MFHAS1: variants seen among roughly 807,000 people sequenced by gnomAD.
MFHAS1 encodes malignant fibrous histiocytoma-amplified sequence 1.
MFHAS1 carries 50 observed loss-of-function variants against 70.4 expected under a neutral mutation model. The ratio of observed to expected loss-of-function variants is 0.71; its 90% CI spans 0.57 to 0.90. MFHAS1 has a LOEUF of 0.90. Among genes scored for constraint, MFHAS1 ranks in the 40% least tolerant of loss-of-function variants. The probability of loss-of-function intolerance (pLI) is 0.00; values close to 1 mark genes in which losing one functional copy is unlikely to be tolerated. For missense variants in MFHAS1, 1,795 were observed against 1,347.6 expected (o/e 1.33, Z -5.20); for synonymous variants, 952 against 620.0 (o/e 1.54, Z -7.96).
chr8:8,828,039 C>A (rs1344517355), intron 1 of MFHAS1, among the ~76,000 whole-genome samples: 1 of 152,086 alleles, frequency 6.6e-6, no homozygotes, highest in Non-Finnish European at 1.5e-5. Context: ...ATTTACTTCC[C>A]CCGGTGATTA....
intron 1 of MFHAS1, among the ~76,000 whole-genome samples, chr8:8,864,641 C>T (rs1808790614): frequency 6.6e-6 from 1 of 152,208 alleles, no homozygotes; most frequent in Non-Finnish European, 1.5e-5. Flanking sequence ...CTACTCTCTT[C>T]CTATCATTTG....
chr8:8,819,613 A>C (rs1407974954), intron 1 of MFHAS1, among the ~76,000 whole-genome samples: 2 of 150,328 alleles, frequency 1.3e-5, no homozygotes, highest in Admixed American at 1.3e-4. Flanking sequence ...CAAAACAAAA[A>C]AAAAAAAAAA....
intron 1 of MFHAS1, among the ~76,000 whole-genome samples, chr8:8,854,964 C>T (rs140008774): frequency 7.2e-5 from 11 of 152,194 alleles, no homozygotes; most frequent in Non-Finnish European, 1.3e-4. Context: ...CGCTGGAGTG[C>T]AGTGATACTA....
At position 8,891,370 on chromosome 8, in the gene MFHAS1, C is replaced by G. The variant is rs781225934; in HGVS notation, c.1689G>C (p.Lys563Asn). 2.5e-6 allele frequency: 4 copies of G among 1,611,574 alleles called. No individual in the cohort carries two copies. Among genetic ancestry groups the G allele is most frequent in the Non-Finnish European group, 3.4e-6 (4 of 1,180,030 alleles). The change falls in exon 1 of 3, where the codon AAG becomes AAC. Residue 563 changes from lysine to asparagine, a missense_variant. By Grantham distance (94) the Lys-to-Asn change is moderately conservative. Coordinates refer to ENST00000276282, the MANE Select transcript of MFHAS1 (RefSeq NM_004225.3). The surrounding 1 kb of genome is among the most constrained non-coding windows in gnomAD (Gnocchi z 5.4). ...AGCGGCTCAGTCCCTCCGCGTCGTG[C>G]TTCTCCTGCAGGGCGATCTGGCGGT... ...DIHRQIALQEKHDAEGLSRLA... is the reference protein window; with the variant it reads ...DIHRQIALQENHDAEGLSRLA...
chr8:8,857,559 C>G (rs1280211592), intron 1 of MFHAS1, among the ~76,000 whole-genome samples: 2 of 152,046 alleles, frequency 1.3e-5, no homozygotes, highest in East Asian at 3.9e-4. Context: ...GAGCTCGAGA[C>G]CAGCCTGGCC....
chr8:8,855,095 GCCCCCAC>G (rs2116879080), intron 1 of MFHAS1, among the ~76,000 whole-genome samples: 1 of 152,086 alleles, frequency 6.6e-6, no homozygotes, highest in East Asian at 1.9e-4. Flanking sequence ...TGGTTCTAGG[GCCCCCAC>G]CCCCAGCATA....
Position 8,808,790 on chromosome 8 carries a change from T to A in MFHAS1, c.2999-11299A>T, listed in dbSNP as rs535473257. Among the ~76,000 whole-genome samples the A allele has an allele frequency of 6.6e-5, 10 of 152,248 alleles. No individual in the cohort carries two copies. In the South Asian group the frequency reaches 1.9e-3, roughly 29 times the overall value. ...TTGATGGCAATTGGGTTTGGTGCCA[T>A]TGGTGGTTTCAGGATCCAGTAGGGT... On this transcript the variant is annotated intron_variant, in intron 1 of 2. Transcript: ENST00000276282.
intron 1 of MFHAS1, among the ~76,000 whole-genome samples, chr8:8,862,836 G>T (rs1430748588): frequency 6.6e-6 from 1 of 152,128 alleles, no homozygotes; most frequent in African/African-American, 2.4e-5. Flanking sequence ...GGAACAGATG[G>T]GCAATCTCAT....
At chr8:8,805,966 C>T (rs994336613) in intron 1 of MFHAS1, among the ~76,000 whole-genome samples, 10 of 152,192 alleles carry the variant, frequency 6.6e-5, no homozygotes, top group African/African-American at 2.4e-4. Context: ...TCCCAAAGTG[C>T]TGGGATTACA....
At chr8:8,833,133 A>T (rs1187965411) in intron 1 of MFHAS1, among the ~76,000 whole-genome samples, 2 of 152,114 alleles carry the variant, frequency 1.3e-5, no homozygotes, top group African/African-American at 2.4e-5. Flanking sequence ...TCCCATGAGA[A>T]TTCACCATCG....
intron 1 of MFHAS1, among the ~76,000 whole-genome samples, chr8:8,807,986 T>G (rs938738810): frequency 6.6e-6 from 1 of 152,224 alleles, no homozygotes; most frequent in East Asian, 1.9e-4. Context: ...AAATATTAAA[T>G]GAAAAACTCC....
intron 1 of MFHAS1, among the ~76,000 whole-genome samples, chr8:8,883,327 C>T (rs1809603143): frequency 6.6e-6 from 1 of 152,154 alleles, no homozygotes; most frequent in African/African-American, 2.4e-5. Flanking sequence ...CCTGCACCCA[C>T]CCGCTGGTTT....
chr8:8,823,261 T>C (rs190108571), intron 1 of MFHAS1, among the ~76,000 whole-genome samples: 67 of 152,344 alleles, frequency 4.4e-4, no homozygotes, highest in African/African-American at 1.4e-3. Context: ...TAACAAATTA[T>C]TATAAAAACA....
chr8:8,832,886 G>C (rs1807458811), intron 1 of MFHAS1, among the ~76,000 whole-genome samples: 2 of 152,082 alleles, frequency 1.3e-5, no homozygotes, highest in South Asian at 2.1e-4. Context: ...TTGTGTAGTA[G>C]CCCATTCTTA....
chr8:8,889,735 A>G (rs4841067), intron 1 of MFHAS1, among the ~76,000 whole-genome samples: 28,301 of 152,164 alleles, frequency 0.19, 3,319 homozygotes, highest in African/African-American at 0.33. Flanking sequence ...CACTGTCCAG[A>G]ATCTATCTGT....
intron 1 of MFHAS1, among the ~76,000 whole-genome samples, chr8:8,800,597 C>T (rs1224290998): frequency 1.3e-5 from 2 of 152,134 alleles, no homozygotes; most frequent in East Asian, 1.9e-4. Context: ...GCTGTGGGCA[C>T]CCCAGTCTCT....
intron 1 of MFHAS1, among the ~76,000 whole-genome samples, chr8:8,814,444 T>A (rs914410327): frequency 7.2e-5 from 11 of 152,200 alleles, no homozygotes; most frequent in African/African-American, 2.7e-4. Context: ...CACTCTGTCA[T>A]GTTCGCACGA....
At chr8:8,857,781 C>A (rs1375922048) in intron 1 of MFHAS1, among the ~76,000 whole-genome samples, 1 of 151,796 alleles carries the variant, frequency 6.6e-6, no homozygotes, top group East Asian at 1.9e-4. Context: ...AAAAAAAAAT[C>A]TTTTGTTTGT....
intron 1 of MFHAS1, among the ~76,000 whole-genome samples, chr8:8,806,407 A>G (rs1430616728): frequency 6.6e-6 from 1 of 152,218 alleles, no homozygotes; most frequent in Non-Finnish European, 1.5e-5. Flanking sequence ...CTTACGTGGC[A>G]TGCATTAATA....
Sources: gnomAD v4.1 joint callset for allele counts (sites outside exome capture counted in the v4.1 genomes callset) on GRCh38, gnomAD v4.1.1 for gene constraint, Gnocchi (gnomAD v3.1) non-coding constraint, MANE v1.5 for transcripts, NCBI Gene and HGNC (gene_info 2026-07-23, HGNC 2026-07-21) for gene names.